Variants in TSHR observed in about 807,000 individuals in gnomAD.
TSHR encodes thyroid stimulating hormone receptor.
A neutral mutation model predicts 64.1 loss-of-function variants in TSHR; 51 were observed. The ratio of observed to expected loss-of-function variants is 0.80; its 90% CI spans 0.64 to 1.01. The LOEUF is 1.01. TSHR is among the 50% of genes least tolerant of loss of function. TSHR has a pLI of 0.00. For missense variants in TSHR, 877 were observed against 942.8 expected (o/e 0.93, Z 0.91); for synonymous variants, 361 against 361.9 (o/e 1.00, Z 0.03).
In TSHR at chr14:81,088,825, T is replaced by C. The variant is rs568047855; in HGVS notation, c.392+797T>C. ...CATCCAGACCTTCAAAACAAACTTA[T>C]GTTATCATAGATATTTTATGAGATA... On this transcript the variant is annotated intron_variant, in intron 4 of 9. Coordinates refer to ENST00000298171, the MANE Select transcript of TSHR (RefSeq NM_000369.5). 9.2e-5 allele frequency among the ~76,000 whole-genome samples: 14 copies of C among 152,282 alleles called. No individual in the cohort carries two copies. In the East Asian group the frequency reaches 1.9e-3, roughly 21 times the overall value.
intron 1 of TSHR, among the ~76,000 whole-genome samples, chr14:81,029,255 G>A (rs1320656340): frequency 6.6e-6 from 1 of 151,536 alleles, no homozygotes; most frequent in Non-Finnish European, 1.5e-5. Flanking sequence ...GAATCTTCAG[G>A]GTTTTTTTTA....
At chr14:81,065,112 G>T (rs992050184) in intron 2 of TSHR, among the ~76,000 whole-genome samples, 7 of 152,068 alleles carry the variant, frequency 4.6e-5, no homozygotes, top group Admixed American at 4.6e-4. Flanking sequence ...CAAAGCGAGA[G>T]TCCTCCTAGT....
chr14:80,973,429 A>AAAAAAAAAAAAAAAAAGG (rs1566743346), intron 1 of TSHR, among the ~76,000 whole-genome samples: 1 of 146,236 alleles, frequency 6.8e-6, no homozygotes, highest in Non-Finnish European at 1.5e-5. Flanking sequence ...AAAAAAAAAA[A>AAAAAAAAAAAAAAAAAGG]TCTGTGTACT....
chr14:80,983,335 C>A, intron 1 of TSHR: 1 of 1,107,728 alleles, frequency 9.0e-7, no homozygotes, highest in Non-Finnish European at 1.3e-6. Flanking sequence ...GGTGACTTTT[C>A]AGAGCTTTTT....
rs768336761 is a variant in TSHR, at chr14:81,143,136, G to C, written c.1078G>C (p.Glu360Gln). The stretch of plus-strand genomic sequence containing the variant: ...TTATTACGTCTTCTTTGAAGAACAA[G>C]AGGATGAGATCATTGGTTTTGGCCA... The part of the protein sequence containing the change: ...AHYYVFFEEQ[E>Q]DEIIGFGQEL... The change falls in exon 10 of 10, where the codon GAG becomes CAG. Residue 360 changes from glutamate (E) to glutamine (Q), a missense_variant. Coordinates refer to ENST00000298171, the MANE Select transcript of TSHR (RefSeq NM_000369.5). 34 of 1,614,056 alleles carry C rather than the reference G, an allele frequency of 2.1e-5. No homozygotes were observed. Among genetic ancestry groups the C allele is most frequent in the Non-Finnish European group, 2.9e-5 (34 of 1,180,040 alleles).
chr14:81,116,996 C>T (rs1230994688), intron 8 of TSHR, among the ~76,000 whole-genome samples: 5 of 135,978 alleles, frequency 3.7e-5, no homozygotes, highest in African/African-American at 9.1e-5. Context: ...AGAACAAAGA[C>T]ACAACATACC....
chr14:80,982,618 T>A (rs1426752775), intron 1 of TSHR: 53 of 928,560 alleles, frequency 5.7e-5, no homozygotes, highest in South Asian at 1.4e-4. Flanking sequence ...AAAAAAAAAA[T>A]AGGCCCAAGG....
chr14:81,141,641 G>T (rs1452460105), intron 9 of TSHR, among the ~76,000 whole-genome samples: 2 of 152,170 alleles, frequency 1.3e-5, no homozygotes, highest in African/African-American at 4.8e-5. Flanking sequence ...GGGGGCAGTG[G>T]CTCACTTCTG....
chr14:81,061,343 C>T (rs564071429), intron 1 of TSHR, among the ~76,000 whole-genome samples: 8 of 152,044 alleles, frequency 5.3e-5, no homozygotes, highest in South Asian at 4.2e-4. Context: ...GTTGTTCGCA[C>T]GAATGTTCAT....
intron 6 of TSHR, among the ~76,000 whole-genome samples, chr14:81,095,082 GT>G (rs768979495): frequency 6.6e-6 from 1 of 152,082 alleles, no homozygotes; most frequent in Non-Finnish European, 1.5e-5. Flanking sequence ...GATTACTGTG[GT>G]TTTCAAGGTT....
intron 2 of TSHR, among the ~76,000 whole-genome samples, chr14:81,067,973 G>A (rs1886775198): frequency 9.1e-6 from 1 of 110,434 alleles, no homozygotes; most frequent in African/African-American, 4.9e-5. Flanking sequence ...ATGCATATGG[G>A]AAATTTTAAT....
chr14:81,128,854 C>T (rs758969205), intron 8 of TSHR, among the ~76,000 whole-genome samples: 76 of 152,186 alleles, frequency 5.0e-4, no homozygotes, highest in Non-Finnish European at 8.5e-4. Context: ...GCCCACCACT[C>T]TTCATCCCAC....
chr14:80,967,576 C>T (rs1163342722), intron 1 of TSHR, among the ~76,000 whole-genome samples: 2 of 152,124 alleles, frequency 1.3e-5, no homozygotes, highest in African/African-American at 2.4e-5. Flanking sequence ...TAAGCCACCC[C>T]GCCCGGCCCT....
chr14:81,075,056 T>C (rs72689941), intron 3 of TSHR, among the ~76,000 whole-genome samples: 11 of 152,378 alleles, frequency 7.2e-5, no homozygotes, highest in Admixed American at 2.6e-4. Flanking sequence ...TGCAGTGAAC[T>C]ATAACCTAAC....
At chr14:81,081,354 C>T (rs1012805350) in intron 3 of TSHR, among the ~76,000 whole-genome samples, 1 of 151,694 alleles carries the variant, frequency 6.6e-6, no homozygotes, top group African/African-American at 2.4e-5. Context: ...TTTACATTTA[C>T]CAGCTTATTA....
chr14:81,108,750 G>C, intron 8 of TSHR: 2 of 1,608,576 alleles, frequency 1.2e-6, no homozygotes, highest in Non-Finnish European at 1.7e-6. Flanking sequence ...GCTGCTGTTT[G>C]AAAAATTTTG....
rs137928276 is a variant in TSHR, at chr14:81,107,308, C to G, written c.615-1067C>G. On this transcript the variant is annotated intron_variant, in intron 7 of 9. Transcript: ENST00000298171. ...AAGCATTAGCCATATCTAAGCAGAC[C>G]TTCTGAGGGTCTCTGCTATATTCTT... Among the ~76,000 whole-genome samples the G allele has an allele frequency of 9.9e-4, 150 of 152,284 alleles. 2 individuals carry two copies. Among genetic ancestry groups the G allele is most frequent in the South Asian group, 7.7e-3 (37 of 4,820 alleles).
intron 3 of TSHR, among the ~76,000 whole-genome samples, chr14:81,081,415 G>C (rs548274009): frequency 1.0e-3 from 159 of 152,128 alleles, no homozygotes; most frequent in Middle Eastern, 6.8e-3. Context: ...GTGAAGTATG[G>C]GGGAGGGGCG....
At chr14:81,112,919 G>A (rs905460715) in intron 8 of TSHR, among the ~76,000 whole-genome samples, 1 of 152,206 alleles carries the variant, frequency 6.6e-6, no homozygotes, top group African/African-American at 2.4e-5. Flanking sequence ...AGTAAAAGCT[G>A]TGATCAAAAA....
Sources: gnomAD v4.1 joint callset for allele counts (sites outside exome capture counted in the v4.1 genomes callset) on GRCh38, gnomAD v4.1.1 for gene constraint, MANE v1.5 for transcripts, NCBI Gene and HGNC (gene_info 2026-07-23, HGNC 2026-07-21) for gene names.